TLN1: variants seen among roughly 807,000 people sequenced by gnomAD.
The protein encoded by TLN1 is talin 1.
Under a neutral mutation model 292.3 loss-of-function variants are expected in TLN1, and 56 were observed. The observed-to-expected ratio is 0.19, with a 90% CI of 0.15 to 0.24. The LOEUF (loss-of-function observed/expected upper bound fraction) is 0.24, where lower values mean the gene tolerates loss of function less well. Ranked by LOEUF, TLN1 falls within the 10% of genes least tolerant of loss-of-function variation. TLN1 has a pLI of 1.00. For synonymous variants in TLN1, 1,119 were observed against 1,253.7 expected (o/e 0.89, Z 2.27); for missense variants, 2,433 against 3,248.2 (o/e 0.75, Z 6.10).
chr9:35,712,597 G>GA (rs1825693659), intron 27 of TLN1, among the ~76,000 whole-genome samples: 2 of 141,448 alleles, frequency 1.4e-5, no homozygotes, highest in African/African-American at 5.3e-5. Flanking sequence ...GCACTGAGCC[G>GA]AAATTGCGCC....
At chr9:35,720,696 G>T in intron 11 of TLN1, 116 bp downstream of exon 11, 1 of 1,096,120 alleles carries the variant, frequency 9.1e-7, no homozygotes, top group Non-Finnish European at 1.4e-6. Context: ...CAAGATCTCG[G>T]CTCATTGCAA....
At chr9:35,728,665 C>T (rs902501234) in intron 1 of TLN1, among the ~76,000 whole-genome samples, 1 of 152,170 alleles carries the variant, frequency 6.6e-6, no homozygotes. Flanking sequence ...TCCTAGGGAG[C>T]CCATCCTATG....
chr9:35,723,106 C>CTT (rs372618542), intron 7 of TLN1, 185 bp from the exon 8 acceptor site: 502 of 384,600 alleles, frequency 1.3e-3, no homozygotes, highest in Middle Eastern at 4.5e-3. Context: ...GTAAACTCTT[C>CTT]TTTTTTTTTT....
intron 1 of TLN1, among the ~76,000 whole-genome samples, chr9:35,729,731 G>A (rs1156860313): frequency 6.6e-6 from 1 of 152,200 alleles, no homozygotes; most frequent in Non-Finnish European, 1.5e-5. Context: ...GAGTCCCACA[G>A]CTTCCTATCA....
intron 11 of TLN1, 44 bp downstream of exon 11, chr9:35,720,768 G>C (rs766370318): frequency 6.4e-7 from 1 of 1,564,858 alleles, no homozygotes; most frequent in Non-Finnish European, 8.8e-7. Context: ...CTTGTGGAGA[G>C]GGCAAGAGGC....
chr9:35,710,643 T>C lies in TLN1; in HGVS notation c.4244A>G (p.Lys1415Arg), dbSNP rs1292370917. Reference protein sequence around the residue: ...EAMTGISQNAKNGNLPEFGDA... With the variant: ...EAMTGISQNARNGNLPEFGDA... ...TCCAAACTCTGGCAGGTTTCCGTTC[T>C]TGGCATTTTGGGAGATGCCAGTCAT... The change falls in exon 33 of 57, where the codon AAG becomes AGG. Residue 1415 changes from lysine (K) to arginine (R), a missense_variant. By Grantham distance (26) the Lys-to-Arg change is conservative (BLOSUM62 2). This residue lies in a region of TLN1 where 1,384 missense variants were observed against 1,699.6 expected (regional missense o/e 0.81). Coordinates refer to ENST00000314888, the MANE Select transcript of TLN1 (RefSeq NM_006289.4). The C allele has an allele frequency of 6.2e-7, 1 of 1,614,236 alleles. No individual in the cohort carries two copies. The highest frequency in any genetic ancestry group is 2.2e-5 in the East Asian group (1 of 44,890).
At chr9:35,712,799 T>C (rs1825698741) in intron 27 of TLN1, 36 bp downstream of exon 27, 2 of 1,532,586 alleles carry the variant, frequency 1.3e-6, no homozygotes, top group African/African-American at 1.4e-5. Context: ...TGAAGGAACC[T>C]GGGGGAGAGG....
intron 7 of TLN1, chr9:35,723,737 G>A (rs1310409237): frequency 3.3e-6 from 2 of 608,326 alleles, no homozygotes; most frequent in Non-Finnish European, 5.4e-6. Context: ...TTCAGAGATG[G>A]GGGTAGGGGC....
chr9:35,700,700 C>T (rs914424758), intron 48 of TLN1, among the ~76,000 whole-genome samples: 1 of 152,086 alleles, frequency 6.6e-6, no homozygotes, highest in African/African-American at 2.4e-5. Context: ...CATGAACAAC[C>T]AAGATGTCAC....
intron 33 of TLN1, 97 bp from the exon 34 acceptor site, chr9:35,708,581 AGAATAGGGCTT>A (rs1825606003): frequency 8.0e-7 from 1 of 1,243,460 alleles, no homozygotes; most frequent in African/African-American, 1.6e-5. Context: ...GTAAGTTTAG[AGAATAGGGCTT>A]ATTTTCCAGA....
intron 27 of TLN1, 42 bp downstream of exon 27, chr9:35,712,793 G>T (rs1825698639): frequency 6.6e-7 from 1 of 1,525,486 alleles, no homozygotes; most frequent in Non-Finnish European, 8.9e-7. Context: ...GCCTTATGAA[G>T]GAACCTGGGG....
rs774093666 is a variant in TLN1 at position 35,717,099 on chromosome 9, G to A, written c.2458+47C>T. 2 of 1,550,666 alleles carry A rather than the reference G, an allele frequency of 1.3e-6. No homozygotes were observed. Among genetic ancestry groups the A allele is most frequent in the Admixed American group, 3.7e-5 (2 of 54,158 alleles). On this transcript the variant is annotated intron_variant, in intron 19 of 56. Transcript: ENST00000314888. This position sits in a 1 kb window ranked among gnomAD's most constrained non-coding sequence, Gnocchi z 4.7. Reference sequence around the variant, plus strand: ...AAGGGGATGATGTCCAGTGGGCTTAGGGAACCCTGGTAGGGTTTTTTGTTT... The same window carrying A: ...AAGGGGATGATGTCCAGTGGGCTTAAGGAACCCTGGTAGGGTTTTTTGTTT...
At position 35,719,479 on chromosome 9, in the gene TLN1, C is replaced by A. The variant is rs745778713; in HGVS notation, c.1687+40G>T. 1 of 1,568,432 alleles carries A rather than the reference C, an allele frequency of 6.4e-7. No homozygotes were observed. Among genetic ancestry groups the A allele is most frequent in the South Asian group, 1.1e-5 (1 of 90,144 alleles). On this transcript the variant is annotated intron_variant, in intron 15 of 56. Transcript: ENST00000314888. This position sits in a 1 kb window ranked among gnomAD's most constrained non-coding sequence, Gnocchi z 4.6. ...GCATGCCTGTGCACACTTGCACCCC[C>A]TCTCCCCATCACACACCCGGAAGCT...
chr9:35,717,003 T>G lies in TLN1; in HGVS notation c.2458+143A>C. On this transcript the variant is annotated intron_variant, in intron 19 of 56. Transcript: ENST00000314888. The surrounding 1 kb of genome is among the most constrained non-coding windows in gnomAD (Gnocchi z 4.7). The stretch of plus-strand genomic sequence containing the variant: ...CAGAGGGTTCAGAGAGCTTTAATGA[T>G]GAGCCTATGGTTGTGTGGCTGGCAA... 2.3e-6 allele frequency: 2 copies of G among 867,490 alleles called. No homozygotes were observed. Among genetic ancestry groups the G allele is most frequent in the Non-Finnish European group, 3.5e-6 (2 of 578,310 alleles). 53.7% of individuals were successfully genotyped at this position (867,490 alleles called of 1,614,324 possible).
rs764450240 is a variant in TLN1, at chr9:35,717,113, G to C, written c.2458+33C>G. 2.6e-6 allele frequency: 4 copies of C among 1,566,042 alleles called. No individual in the cohort carries two copies. The highest frequency in any genetic ancestry group is 3.5e-6 in the Non-Finnish European group (4 of 1,151,394). On this transcript the variant is annotated intron_variant, in intron 19 of 56. Transcript: ENST00000314888. This position sits in a 1 kb window ranked among gnomAD's most constrained non-coding sequence, Gnocchi z 4.7. The stretch of plus-strand genomic sequence containing the variant: ...CAGTGGGCTTAGGGAACCCTGGTAG[G>C]GTTTTTTGTTTTCCTGGGGGTGCGT...
At position 35,718,798 on chromosome 9, in the gene TLN1, G is replaced by C; in HGVS notation, c.1995+14C>G. On this transcript the variant is annotated intron_variant, in intron 17 of 56. Transcript: ENST00000314888. ...TAGATTCTGGGGTTCTGGGGGGTTGGGTAAGTCACCAACCTGGAAGTGGGG... is the reference window on the plus strand; with the variant it reads ...TAGATTCTGGGGTTCTGGGGGGTTGCGTAAGTCACCAACCTGGAAGTGGGG... 6.2e-7 allele frequency: 1 copy of C among 1,610,492 alleles called. No individual in the cohort carries two copies.
chr9:35,720,479 C>T lies in TLN1; in HGVS notation c.1237G>A (p.Gly413Arg). The T allele has an allele frequency of 6.2e-7, 1 of 1,614,206 alleles. No individual in the cohort carries two copies. The highest frequency in any genetic ancestry group is 8.5e-7 in the Non-Finnish European group (1 of 1,180,028). ...KKSKDHFGLE[G>R]DEESTMLEDS... ...TCCAGCATAGTAGACTCCTCATCTC[C>T]TTCCAGCCCAAAGTGATCCTTGCTT... Residue 413 changes from glycine to arginine, a missense_variant, in exon 12 of 57, where the codon GGA becomes AGA. Coordinates refer to ENST00000314888, the MANE Select transcript of TLN1 (RefSeq NM_006289.4).
At chr9:35,730,920 G>C (rs1399981750) in intron 1 of TLN1, among the ~76,000 whole-genome samples, 1 of 152,040 alleles carries the variant, frequency 6.6e-6, no homozygotes, top group Non-Finnish European at 1.5e-5. Context: ...TCTTCCCTAG[G>C]CAGTCCCCAA....
chr9:35,712,648 C>CAAAA (rs1282155556), intron 27 of TLN1, among the ~76,000 whole-genome samples, 187 bp downstream of exon 27: 1 of 72,186 alleles, frequency 1.4e-5, no homozygotes, highest in African/African-American at 6.1e-5. Flanking sequence ...AACTCTGTCT[C>CAAAA]AAAAAAAAAA....
Sources: allele counts gnomAD v4.1 joint callset (sites outside exome capture counted in the v4.1 genomes callset), GRCh38; gene constraint gnomAD v4.1.1; regional missense constraint gnomAD v4.1.1; non-coding constraint Gnocchi (gnomAD v3.1); transcripts MANE v1.5; gene names NCBI Gene and HGNC (gene_info 2026-07-23, HGNC 2026-07-21).